The following MOB1A variants were observed in gnomAD, a reference collection of about 807,000 sequenced individuals.
The protein encoded by MOB1A is MOB kinase activator 1A, also known as MOB1 Mps One Binder homolog A.
MOB1A carries 10 observed loss-of-function variants against 25.1 expected under a neutral mutation model. The observed-to-expected ratio is 0.40, with a 90% confidence interval of 0.25 to 0.68. The LOEUF (loss-of-function observed/expected upper bound fraction) is 0.68. Among genes scored for constraint, MOB1A ranks in the 30% least tolerant of loss-of-function variants. The pLI is 0.40. For synonymous variants in MOB1A, 81 were observed against 79.5 expected, an observed-to-expected ratio of 1.02 and a Z score of -0.10; for missense variants, 177 against 256.3, an observed-to-expected ratio of 0.69 and a Z score of 2.11.
chr2:74,158,007 C>A (rs1315035126), intron 5 of MOB1A, among the ~76,000 whole-genome samples: 1 of 151,642 alleles, frequency 6.6e-6, no homozygotes, highest in East Asian at 1.9e-4. Flanking sequence ...CATGGTGAAA[C>A]CCCATTTCTA....
At chr2:74,178,351 C>T (rs765566937) in intron 1 of MOB1A, 21 of 257,000 alleles carry the variant, frequency 8.2e-5, no homozygotes, top group Non-Finnish European at 1.3e-4. Flanking sequence ...AAACTGGGGG[C>T]TCGCGGCTCC....
intron 3 of MOB1A, among the ~76,000 whole-genome samples, chr2:74,165,811 G>C (rs1417785538): frequency 3.3e-5 from 5 of 152,138 alleles, no homozygotes; most frequent in African/African-American, 1.2e-4. Context: ...CCTTACCTTT[G>C]CCGAGCTAGA....
intron 1 of MOB1A, 146 bp downstream of exon 1, chr2:74,178,515 C>G: frequency 2.1e-6 from 1 of 484,416 alleles, no homozygotes; most frequent in Non-Finnish European, 3.4e-6. Flanking sequence ...CTCGGCCTCC[C>G]CCGCGGACCC....
chr2:74,174,276 AAAAAAAAAAG>A (rs1693388353), intron 1 of MOB1A, among the ~76,000 whole-genome samples: 2 of 151,618 alleles, frequency 1.3e-5, no homozygotes, highest in South Asian at 2.1e-4. Flanking sequence ...TCTCAAAAAA[AAAAAAAAAAG>A]AAAAGAAAAG....
Position 74,178,865 on chromosome 2 carries a change from T to C in MOB1A, c.-191A>G, listed in dbSNP as rs1693560011. 3 of 383,346 alleles carry C rather than the reference T, an allele frequency of 7.8e-6. No individual in the cohort carries two copies. The highest frequency in any genetic ancestry group is 1.4e-5 in the Non-Finnish European group (3 of 217,428). 23.7% of individuals were successfully genotyped at this position (383,346 alleles called of 1,614,324 possible). ...GCCCGCCTTGCCCGCCTACCCCACC[T>C]CGCAGACCCGAAATGCGGAACCAAC... is the stretch of plus-strand genomic sequence containing the variant. On this transcript the variant is annotated 5_prime_UTR_variant, in exon 1 of 6. Coordinates refer to ENST00000396049, the MANE Select transcript of MOB1A (RefSeq NM_018221.5).
At chr2:74,176,958 A>C (rs1174782362) in intron 1 of MOB1A, among the ~76,000 whole-genome samples, 3 of 152,162 alleles carry the variant, frequency 2.0e-5, no homozygotes, top group Non-Finnish European at 4.4e-5. Flanking sequence ...GAACACATAC[A>C]TCCACGCAAA....
At chr2:74,165,173 T>C (rs1693094064) in intron 4 of MOB1A, 45 bp downstream of exon 4, 2 of 1,407,492 alleles carry the variant, frequency 1.4e-6, no homozygotes, top group East Asian at 5.2e-5. Flanking sequence ...ATTAATAAAA[T>C]AAAATTTTAA....
rs558961317 is a variant in MOB1A, at chr2:74,174,638, A to C, written c.15-1886T>G. Reference sequence around the variant, plus strand: ...TATTCCTATCTCACACCATCCATAAAGTCTTCCTGCACAAAACTCAGAAAC... The same window carrying C: ...TATTCCTATCTCACACCATCCATAACGTCTTCCTGCACAAAACTCAGAAAC... On this transcript the variant is annotated intron_variant, in intron 1 of 5. Coordinates refer to ENST00000396049, the MANE Select transcript of MOB1A (RefSeq NM_018221.5). 2.6e-5 allele frequency among the ~76,000 whole-genome samples: 4 copies of C among 152,338 alleles called. No individual in the cohort carries two copies. In the East Asian group the frequency reaches 5.8e-4, roughly 22 times the overall value.
intron 4 of MOB1A, among the ~76,000 whole-genome samples, chr2:74,159,819 C>A (rs10182805): frequency 3.8e-5 from 2 of 52,012 alleles, no homozygotes; most frequent in African/African-American, 1.2e-4. Flanking sequence ...TGTTTTTTGT[C>A]CCCCCCCCCA....
intron 3 of MOB1A, 134 bp downstream of exon 3, chr2:74,166,879 AG>A: frequency 3.3e-6 from 2 of 610,100 alleles, no homozygotes; most frequent in Non-Finnish European, 5.8e-6. Context: ...AAAAGCTTAC[AG>A]GTGAGTAGTC....
At chr2:74,176,275 CAAAAAAAA>C (rs1201428854) in intron 1 of MOB1A, among the ~76,000 whole-genome samples, 1 of 29,610 alleles carries the variant, frequency 3.4e-5, no homozygotes, top group Admixed American at 5.8e-4. Flanking sequence ...GACCCTGTCT[CAAAAAAAA>C]AAAAAAAAAA....
At chr2:74,159,718 C>T (rs1291793292) in intron 4 of MOB1A, among the ~76,000 whole-genome samples, 3 of 152,118 alleles carry the variant, frequency 2.0e-5, no homozygotes, top group South Asian at 2.1e-4. Flanking sequence ...CACAAAGTAC[C>T]ACACTTTTTT....
Position 74,178,655 on chromosome 2 carries a change from A to T in MOB1A, c.14+6T>A. The T allele has an allele frequency of 7.3e-7, 1 of 1,371,148 alleles. No homozygotes were observed. Among genetic ancestry groups the T allele is most frequent in the East Asian group, 3.0e-5 (1 of 33,536 alleles). The allele number at this position is 1,371,148 out of a possible 1,614,324, so 84.9% of individuals were successfully genotyped here. Reference sequence around the variant, plus strand: ...GGCCCGGCGCCCGCGGCCCGACCCCACTCACAAGAGGAAGCTCATCTTCGG... The same window carrying T: ...GGCCCGGCGCCCGCGGCCCGACCCCTCTCACAAGAGGAAGCTCATCTTCGG... On this transcript the variant is annotated splice_donor_region_variant and intron_variant, in intron 1 of 5. Transcript: ENST00000396049.
At position 74,178,517 on chromosome 2, in the gene MOB1A, C is replaced by G. The variant is rs1172264981; in HGVS notation, c.14+144G>C. The G allele has an allele frequency of 8.1e-6, 4 of 491,868 alleles. No individual in the cohort carries two copies. The Admixed American group carries it at 1.3e-4, about 16-fold the overall frequency. The allele number at this position is 491,868 out of a possible 1,614,324, so 30.5% of individuals were successfully genotyped here. A position where few individuals can be genotyped will look rare whatever the true frequency, so the allele number is the denominator to read the frequency against. On this transcript the variant is annotated intron_variant, in intron 1 of 5. Transcript: ENST00000396049. ...CCTCTCCCAACATCTCGGCCTCCCC[C>G]GCGGACCCGAACAGAGGCAAAACAA...
intron 4 of MOB1A, among the ~76,000 whole-genome samples, chr2:74,161,562 T>A (rs1013467339): frequency 6.6e-6 from 1 of 151,042 alleles, no homozygotes; most frequent in African/African-American, 2.4e-5. Context: ...AATGGCAGAA[T>A]GGCGTGAACC....
intron 2 of MOB1A, among the ~76,000 whole-genome samples, chr2:74,171,696 A>G (rs895212024): frequency 6.6e-6 from 1 of 152,188 alleles, no homozygotes; most frequent in Non-Finnish European, 1.5e-5. Flanking sequence ...TGAGCTGAGG[A>G]GTTCAAGACC....
chr2:74,157,410 A>C (rs1344743164), intron 5 of MOB1A, among the ~76,000 whole-genome samples: 2 of 152,066 alleles, frequency 1.3e-5, no homozygotes, highest in African/African-American at 4.8e-5. Context: ...AACATCTTTC[A>C]TAATAAACAG....
Position 74,172,630 on chromosome 2 carries a change from A to T in MOB1A, c.137T>A (p.Met46Lys), listed in dbSNP as rs760795980. 1 of 1,613,948 alleles carries T rather than the reference A, an allele frequency of 6.2e-7. No individual in the cohort carries two copies. Among genetic ancestry groups the T allele is most frequent in the Non-Finnish European group, 8.5e-7 (1 of 1,179,854 alleles). ...LGSGNLRQAVMLPEGEDLNEW... is the reference protein window; with the variant it reads ...LGSGNLRQAVKLPEGEDLNEW... ...ATTGAGATCCTCTCCCTCAGGCAAC[A>T]TAACAGCTTGTCTCAGATTCCCACT... Residue 46 changes from methionine to lysine, a missense_variant, in exon 2 of 6, where the codon ATG (methionine) becomes AAG (lysine). By Grantham distance (95) the Met-to-Lys change is moderately conservative. Coordinates refer to ENST00000396049, the MANE Select transcript of MOB1A (RefSeq NM_018221.5).
chr2:74,156,698 G>T, intron 5 of MOB1A, 53 bp from the exon 6 acceptor site: 1 of 1,317,172 alleles, frequency 7.6e-7, no homozygotes, highest in Non-Finnish European at 1.1e-6. Context: ...CTGAAACTCT[G>T]TAAATGTCTT....
Sources: gnomAD v4.1 joint callset for allele counts (sites outside exome capture counted in the v4.1 genomes callset) on GRCh38, gnomAD v4.1.1 for gene constraint, MANE v1.5 for transcripts, NCBI Gene and HGNC (gene_info 2026-07-23, HGNC 2026-07-21) for gene names.